The following EXOC6B variants were observed in gnomAD, a reference collection of about 807,000 sequenced individuals.
The protein encoded by EXOC6B is SEC15 homolog B.
EXOC6B carries 54 observed loss-of-function variants against 113.5 expected under a neutral mutation model. The ratio of observed to expected loss-of-function variants is 0.48; its 90% CI spans 0.38 to 0.60. The LOEUF (loss-of-function observed/expected upper bound fraction) is 0.60, where lower values mean the gene tolerates loss of function less well. Ranked by LOEUF, EXOC6B falls within the 20% of genes least tolerant of loss-of-function variation. The pLI, the probability that EXOC6B is intolerant of heterozygous loss-of-function variation, is 0.00. For synonymous variants in EXOC6B, 357 were observed against 339.0 expected (o/e 1.05, Z -0.58); for missense variants, 797 against 977.5 (o/e 0.82, Z 2.46).
chr2:72,427,775 A>G (rs1362792286), intron 18 of EXOC6B, among the ~76,000 whole-genome samples: 2 of 152,110 alleles, frequency 1.3e-5, no homozygotes, highest in Non-Finnish European at 2.9e-5. Context: ...GAGGCACTGA[A>G]GGCTGGGGGC....
intron 6 of EXOC6B, among the ~76,000 whole-genome samples, chr2:72,671,811 GA>G (rs1439681531): frequency 3.4e-5 from 4 of 117,412 alleles, no homozygotes; most frequent in African/African-American, 1.2e-4. Flanking sequence ...AAGAAAGAAA[GA>G]AAGAAAGAAG....
chr2:72,696,782 C>T (rs151191188), intron 6 of EXOC6B, among the ~76,000 whole-genome samples: 72 of 152,244 alleles, frequency 4.7e-4, no homozygotes, highest in African/African-American at 1.6e-3. Context: ...AATTCCCTAG[C>T]TGTGCCCAGA....
At chr2:72,729,371 T>C (rs909983168) in intron 5 of EXOC6B, among the ~76,000 whole-genome samples, 4 of 151,208 alleles carry the variant, frequency 2.6e-5, no homozygotes, top group East Asian at 1.9e-4. Context: ...AACTAGAAAA[T>C]TGTTAATATC....
chr2:72,227,702 C>T (rs1441306333), intron 20 of EXOC6B, among the ~76,000 whole-genome samples: 5 of 152,102 alleles, frequency 3.3e-5, no homozygotes, highest in African/African-American at 9.7e-5. Flanking sequence ...CACAAAGATG[C>T]TATAAAGCAA....
At chr2:72,237,955 T>A (rs1242177942) in intron 20 of EXOC6B, among the ~76,000 whole-genome samples, 1 of 152,148 alleles carries the variant, frequency 6.6e-6, no homozygotes, top group African/African-American at 2.4e-5. Context: ...CCATTTAAAG[T>A]ATACATCTCA....
At chr2:72,808,383 T>C (rs953885284) in intron 1 of EXOC6B, among the ~76,000 whole-genome samples, 2 of 152,230 alleles carry the variant, frequency 1.3e-5, no homozygotes, top group East Asian at 3.9e-4. Context: ...AAAATGACAC[T>C]AGTAGACTAT....
intron 18 of EXOC6B, among the ~76,000 whole-genome samples, chr2:72,382,654 C>T (rs909796470): frequency 6.6e-6 from 1 of 152,174 alleles, no homozygotes; most frequent in African/African-American, 2.4e-5. Context: ...TCTTCCTACT[C>T]ATGAATATGG....
intron 15 of EXOC6B, among the ~76,000 whole-genome samples, chr2:72,493,480 T>A (rs533187491): frequency 6.6e-6 from 1 of 152,018 alleles, no homozygotes; most frequent in East Asian, 1.9e-4. Context: ...AAAAACCATA[T>A]CAGAAGTGTT....
intron 6 of EXOC6B, among the ~76,000 whole-genome samples, chr2:72,689,231 G>A (rs1677311515): frequency 6.6e-6 from 1 of 152,088 alleles, no homozygotes; most frequent in Non-Finnish European, 1.5e-5. Context: ...TTTCCGAAAG[G>A]TAAATGCAAC....
intron 20 of EXOC6B, among the ~76,000 whole-genome samples, chr2:72,260,446 AG>A (rs1441627420): frequency 6.6e-6 from 1 of 152,256 alleles, no homozygotes; most frequent in Non-Finnish European, 1.5e-5. Flanking sequence ...GAGTGTCATT[AG>A]CAAAACCTCT....
rs565713434 is a variant in EXOC6B at position 72,649,535 on chromosome 2, GA to G, written c.669+68567del. 1.2e-3 allele frequency among the ~76,000 whole-genome samples: 176 copies of G among 149,116 alleles called. 1 individual carries two copies. The highest frequency in any genetic ancestry group is 4.1e-3 in the African/African-American group (165 of 40,614). On this transcript the variant is annotated intron_variant, in intron 6 of 21. Transcript: ENST00000272427. ...TTTTAAAATCTGTGCAGCAGCAAAAGAAAAAAATCTAAAAAATGAAAAAAAT... is the reference window on the plus strand; with the variant it reads ...TTTTAAAATCTGTGCAGCAGCAAAAGAAAAAATCTAAAAAATGAAAAAAAT...
chr2:72,402,692 T>C (rs1188533833), intron 18 of EXOC6B, among the ~76,000 whole-genome samples: 1 of 152,190 alleles, frequency 6.6e-6, no homozygotes, highest in African/African-American at 2.4e-5. Context: ...TTTCCTGTTT[T>C]GTTGTATATT....
chr2:72,376,300 G>A (rs888025692), intron 19 of EXOC6B, among the ~76,000 whole-genome samples: 23 of 152,120 alleles, frequency 1.5e-4, no homozygotes, highest in Admixed American at 9.8e-4. Context: ...TTTATTTTCC[G>A]TTTATTTTTG....
At chr2:72,738,325 C>T (rs1327490217) in intron 2 of EXOC6B, among the ~76,000 whole-genome samples, 1 of 152,172 alleles carries the variant, frequency 6.6e-6, no homozygotes, top group Non-Finnish European at 1.5e-5. Flanking sequence ...TACTGAGTCA[C>T]CCAAACCAGA....
intron 19 of EXOC6B, chr2:72,354,405 T>C (rs1572958906): frequency 6.6e-6 from 1 of 152,212 alleles, no homozygotes; most frequent in African/African-American, 2.4e-5. Context: ...TGAAAGCCAA[T>C]AGCATGGCTT....
At chr2:72,714,100 G>T (rs562541292) in intron 6 of EXOC6B, among the ~76,000 whole-genome samples, 1 of 152,268 alleles carries the variant, frequency 6.6e-6, no homozygotes, top group South Asian at 2.1e-4. Context: ...TCACCCACCA[G>T]GGACATGCAC....
intron 11 of EXOC6B, among the ~76,000 whole-genome samples, chr2:72,501,224 T>C (rs866268476): frequency 1.3e-5 from 2 of 152,220 alleles, no homozygotes; most frequent in Non-Finnish European, 2.9e-5. Context: ...AGGTAGCACC[T>C]AGTGGGAGGT....
chr2:72,217,912 C>T (rs1372688749), intron 20 of EXOC6B, among the ~76,000 whole-genome samples: 1 of 152,146 alleles, frequency 6.6e-6, no homozygotes, highest in African/African-American at 2.4e-5. Flanking sequence ...ATGTACCAGA[C>T]ACTATGCTAA....
rs528336050 is a variant in EXOC6B at position 72,213,286 on chromosome 2, T to A, written c.2197-29099A>T. ...CTAGCTAATACCACGTAAAACTGCC[T>A]AGCTGAGCCCTGGCCAAATTCCTGA... On this transcript the variant is annotated intron_variant, in intron 20 of 21. Coordinates refer to ENST00000272427, the MANE Select transcript of EXOC6B (RefSeq NM_015189.3). 4.6e-5 allele frequency among the ~76,000 whole-genome samples: 7 copies of A among 152,304 alleles called. No homozygotes were observed. The East Asian group carries it at 1.2e-3, about 25-fold the overall frequency.
Sources: allele counts gnomAD v4.1 joint callset (sites outside exome capture counted in the v4.1 genomes callset), GRCh38; gene constraint gnomAD v4.1.1; transcripts MANE v1.5; gene names NCBI Gene and HGNC (gene_info 2026-07-23, HGNC 2026-07-21).